The following ADGRL3 variants were observed in gnomAD, a reference collection of about 807,000 sequenced individuals.
ADGRL3 encodes adhesion G protein-coupled receptor L3, also known as calcium-independent alpha-latrotoxin receptor 3.
A neutral mutation model predicts 153.5 loss-of-function variants in ADGRL3; 62 were observed. That is an observed-to-expected ratio of 0.40 (90% CI 0.33 to 0.50). ADGRL3 has a LOEUF of 0.50. ADGRL3 is among the 20% of genes least tolerant of loss of function. The pLI, the probability that ADGRL3 is intolerant of heterozygous loss-of-function variation, is 0.47. For missense variants in ADGRL3, 1,641 were observed against 1,859.4 expected (o/e 0.88, Z 2.16); for synonymous variants, 710 against 672.5 (o/e 1.06, Z -0.86).
At chr4:61,912,267 G>A (rs966936144) in intron 12 of ADGRL3, among the ~76,000 whole-genome samples, 2 of 152,016 alleles carry the variant, frequency 1.3e-5, no homozygotes, top group African/African-American at 4.8e-5. Flanking sequence ...ATGATTTGTG[G>A]TGTACATTAA....
intron 8 of ADGRL3, among the ~76,000 whole-genome samples, chr4:61,758,394 T>C (rs2096865450): frequency 6.6e-6 from 1 of 152,224 alleles, no homozygotes; most frequent in Non-Finnish European, 1.5e-5. Flanking sequence ...TTTAGGATAG[T>C]TAGCTCTTCT....
intron 8 of ADGRL3, among the ~76,000 whole-genome samples, chr4:61,764,453 G>A (rs917297074): frequency 1.4e-4 from 18 of 128,834 alleles, no homozygotes; most frequent in Admixed American, 1.0e-3. Context: ...AGTGGGGGTC[G>A]CAAGGTGCTC....
At chr4:61,649,067 T>C (rs1221865536) in intron 5 of ADGRL3, among the ~76,000 whole-genome samples, 1 of 151,978 alleles carries the variant, frequency 6.6e-6, no homozygotes, top group Non-Finnish European at 1.5e-5. Context: ...TAATGCCACT[T>C]ATATTTACTA....
At chr4:61,368,796 T>C (rs1257655872) in intron 1 of ADGRL3, among the ~76,000 whole-genome samples, 2 of 152,170 alleles carry the variant, frequency 1.3e-5, no homozygotes, top group East Asian at 1.9e-4. Context: ...GGGGATGGCA[T>C]TGAATCTGTA....
chr4:61,821,701 A>C (rs1232026327), intron 9 of ADGRL3, among the ~76,000 whole-genome samples: 1 of 152,102 alleles, frequency 6.6e-6, no homozygotes, highest in Admixed American at 6.6e-5. Flanking sequence ...AATTATTTTT[A>C]CCTTTTTTCC....
intron 15 of ADGRL3, among the ~76,000 whole-genome samples, chr4:61,936,248 A>T (rs2098837809): frequency 6.6e-6 from 1 of 152,096 alleles, no homozygotes; most frequent in African/African-American, 2.4e-5. Flanking sequence ...CAAAATTCTC[A>T]GATTTGGAAA....
intron 5 of ADGRL3, among the ~76,000 whole-genome samples, chr4:61,625,378 C>A (rs1269275029): frequency 6.6e-6 from 1 of 151,940 alleles, no homozygotes; most frequent in Non-Finnish European, 1.5e-5. Flanking sequence ...ATATTAGATG[C>A]TTTAATGCTA....
At chr4:61,645,208 C>T (rs1308593608) in intron 5 of ADGRL3, among the ~76,000 whole-genome samples, 1 of 152,154 alleles carries the variant, frequency 6.6e-6, no homozygotes, top group Non-Finnish European at 1.5e-5. Flanking sequence ...TTTCTGAATA[C>T]AGCACACTGA....
chr4:61,222,564 A>G (rs1338684306), intron 1 of ADGRL3, among the ~76,000 whole-genome samples: 1 of 152,162 alleles, frequency 6.6e-6, no homozygotes, highest in African/African-American at 2.4e-5. Context: ...CTGGACTAAC[A>G]AAACAAAACA....
At chr4:61,817,153 C>A (rs1204763977) in intron 9 of ADGRL3, among the ~76,000 whole-genome samples, 2 of 149,030 alleles carry the variant, frequency 1.3e-5, no homozygotes, top group South Asian at 2.1e-4. Flanking sequence ...CTGCAGACCC[C>A]CCCCCCCCCA....
intron 9 of ADGRL3, among the ~76,000 whole-genome samples, chr4:61,857,998 T>C (rs2098297194): frequency 6.6e-6 from 1 of 152,174 alleles, no homozygotes; most frequent in African/African-American, 2.4e-5. Flanking sequence ...AACTTGATCA[T>C]TGGTAGGTGG....
chr4:61,988,772 C>T (rs564052627), intron 19 of ADGRL3, among the ~76,000 whole-genome samples: 1 of 152,210 alleles, frequency 6.6e-6, no homozygotes, highest in South Asian at 2.1e-4. Flanking sequence ...AGGGAGAGAG[C>T]ACACTGGGAA....
intron 9 of ADGRL3, among the ~76,000 whole-genome samples, chr4:61,882,185 T>C (rs1232384241): frequency 6.6e-6 from 1 of 152,204 alleles, no homozygotes; most frequent in East Asian, 1.9e-4. Flanking sequence ...ACAATAATAA[T>C]TGAAATGGAA....
intron 5 of ADGRL3, among the ~76,000 whole-genome samples, chr4:61,609,048 CTTAT>C (rs1017303976): frequency 6.6e-5 from 10 of 151,898 alleles, no homozygotes; most frequent in African/African-American, 1.9e-4. Context: ...GGAGATAATG[CTTAT>C]TTGTTAGTGT....
Position 61,813,789 on chromosome 4 carries a change from A to T in ADGRL3, c.1400-20A>T. 1 of 1,606,738 alleles carries T rather than the reference A, an allele frequency of 6.2e-7. No individual in the cohort carries two copies. The highest frequency in any genetic ancestry group is 8.5e-7 in the Non-Finnish European group (1 of 1,173,532). ...GACATACGTATGATGTCTTCTTAAC[A>T]ATTTGTTTTGGGTCCACAGGGCAGG... On this transcript the variant is annotated intron_variant, in intron 8 of 26. Transcript: ENST00000683033.
At chr4:61,764,866 A>G (rs2096957408) in intron 8 of ADGRL3, among the ~76,000 whole-genome samples, 1 of 151,248 alleles carries the variant, frequency 6.6e-6, no homozygotes, top group African/African-American at 2.4e-5. Flanking sequence ...GTTAAGCTGA[A>G]GGGAGGTCTT....
intron 4 of ADGRL3, among the ~76,000 whole-genome samples, chr4:61,523,911 T>G (rs1579326933): frequency 6.6e-6 from 1 of 152,100 alleles, no homozygotes; most frequent in Admixed American, 6.6e-5. Flanking sequence ...ACAAAGAGTA[T>G]GAATAACTAG....
chr4:61,267,549 C>T (rs1341500384), intron 1 of ADGRL3, among the ~76,000 whole-genome samples: 2 of 151,708 alleles, frequency 1.3e-5, no homozygotes. Context: ...AAACCACTCT[C>T]AACATTACAG....
intron 24 of ADGRL3, 110 bp downstream of exon 24, chr4:62,037,966 T>C (rs1464653276): frequency 2.5e-6 from 3 of 1,200,774 alleles, no homozygotes; most frequent in Non-Finnish European, 3.6e-6. Flanking sequence ...TTTGTTTTTG[T>C]TGTTTCACTG....
Sources: gnomAD v4.1 joint callset for allele counts (sites outside exome capture counted in the v4.1 genomes callset) on GRCh38, gnomAD v4.1.1 for gene constraint, MANE v1.5 for transcripts, NCBI Gene and HGNC (gene_info 2026-07-23, HGNC 2026-07-21) for gene names.